COPA: variants seen among roughly 807,000 people sequenced by gnomAD.
COPA encodes coat protein complex I subunit alpha.
A neutral mutation model predicts 158.7 loss-of-function variants in COPA; 10 were observed. That is an observed-to-expected ratio of 0.06 (90% CI 0.04 to 0.11). COPA has a LOEUF of 0.11. Among genes scored for constraint, COPA ranks in the 10% least tolerant of loss-of-function variants. COPA has a pLI of 1.00. For synonymous variants in COPA, 462 were observed against 542.8 expected, an observed-to-expected ratio of 0.85 and a Z score of 2.07; for missense variants, 1,065 against 1,536.7, an observed-to-expected ratio of 0.69 and a Z score of 5.13.
At position 160,332,601 on chromosome 1, in the gene COPA, CA is replaced by C. The variant is rs1466623079; in HGVS notation, c.387-45del. 18 of 1,341,206 alleles carry C rather than the reference CA, an allele frequency of 1.3e-5. No individual in the cohort carries two copies. In the Admixed American group the frequency reaches 2.6e-4, roughly 19 times the overall value. The allele number at this position is 1,341,206 out of a possible 1,614,324, so 83.1% of individuals were successfully genotyped here. ...ACAATACCAAATTAGAGGTGGAAGTCAACAGACTCCTAAACTAAATACCTTT... is the reference window on the plus strand; with the variant it reads ...ACAATACCAAATTAGAGGTGGAAGTCACAGACTCCTAAACTAAATACCTTT... On this transcript the variant is annotated intron_variant, in intron 5 of 32. Coordinates refer to ENST00000241704, the MANE Select transcript of COPA (RefSeq NM_004371.4).
In COPA at chr1:160,317,551, T is replaced by C. The variant is rs112262853; in HGVS notation, c.707-3426A>G. On this transcript the variant is annotated intron_variant, in intron 8 of 32. Transcript: ENST00000241704. ...ACATCTCAAGAAACTCAAAGAATCA[T>C]ACTGTCAAAGACAGGGCGTTCCAAT... 192 of 1,606,520 alleles carry C rather than the reference T, an allele frequency of 1.2e-4. No individual in the cohort carries two copies. In the Middle Eastern group the frequency reaches 3.2e-3, roughly 26 times the overall value.
intron 1 of COPA, among the ~76,000 whole-genome samples, chr1:160,342,318 A>G (rs141822130): frequency 4.6e-5 from 7 of 152,222 alleles, no homozygotes; most frequent in African/African-American, 1.2e-4. Context: ...AATATTCTAG[A>G]TACTATTTTT....
intron 12 of COPA, among the ~76,000 whole-genome samples, chr1:160,309,899 G>A (rs1312340064): frequency 6.6e-6 from 1 of 151,928 alleles, no homozygotes; most frequent in Non-Finnish European, 1.5e-5. Context: ...CTTTCCATAG[G>A]AAATATATAT....
chr1:160,311,990 C>T lies in COPA; in HGVS notation c.954G>A (p.Lys318=). Residue 318 remains lysine (K), a synonymous_variant, in exon 11 of 33, where the codon AAG becomes AAA. Coordinates refer to ENST00000241704, the MANE Select transcript of COPA (RefSeq NM_004371.4). The part of the protein sequence containing the change: ...AGHDGGMIVF[K]LERERPAYAV... ...CATAGGCTGGCCGTTCCCGTTCCAGCTTAAACACAATCATACCACCATCAT... is the reference window on the plus strand; with the variant it reads ...CATAGGCTGGCCGTTCCCGTTCCAGTTTAAACACAATCATACCACCATCAT... 6.2e-7 allele frequency: 1 copy of T among 1,613,858 alleles called. No homozygotes were observed. Among genetic ancestry groups the T allele is most frequent in the Non-Finnish European group, 8.5e-7 (1 of 1,179,898 alleles).
chr1:160,337,458 G>A (rs141296927), intron 3 of COPA, among the ~76,000 whole-genome samples: 5,023 of 152,256 alleles, frequency 0.033, 278 homozygotes, highest in African/African-American at 0.12. Context: ...GGTGGCTCAC[G>A]CCTGTAATCC....
intron 8 of COPA, among the ~76,000 whole-genome samples, chr1:160,319,843 A>G (rs1659272316): frequency 6.6e-6 from 1 of 151,198 alleles, no homozygotes; most frequent in Admixed American, 6.6e-5. Flanking sequence ...ATGGCAATAC[A>G]ATGTAACAAA....
Position 160,333,636 on chromosome 1 carries a change from C to T in COPA, c.353G>A (p.Arg118Gln), listed in dbSNP as rs750910511. The T allele has an allele frequency of 1.9e-6, 3 of 1,613,512 alleles. No individual in the cohort carries two copies. The highest frequency in any genetic ancestry group is 2.5e-6 in the Non-Finnish European group (3 of 1,179,594). Residue 118 changes from arginine to glutamine, a missense_variant, in exon 5 of 33, where the codon CGA (arginine) becomes CAA (glutamine). This residue lies in a region of COPA where 85 missense variants were observed against 178.9 expected (regional missense o/e 0.48). Coordinates refer to ENST00000241704, the MANE Select transcript of COPA (RefSeq NM_004371.4). ...GGTTCTAGATTGCCAGTTCCACACTCGGATGGTCTGATCATCGGAGGCACT... is the reference window on the plus strand; with the variant it reads ...GGTTCTAGATTGCCAGTTCCACACTTGGATGGTCTGATCATCGGAGGCACT... ...ILSASDDQTI[R>Q]VWNWQSRTCV... is the part of the protein sequence containing the mutation.
intron 17 of COPA, among the ~76,000 whole-genome samples, chr1:160,300,743 C>T (rs1216979113): frequency 1.3e-5 from 2 of 152,160 alleles, no homozygotes; most frequent in Non-Finnish European, 2.9e-5. Flanking sequence ...TATTAGCAAC[C>T]TAAAGCTAGC....
rs773512633 is a variant in COPA at position 160,297,334 on chromosome 1, G to C, written c.2263+9C>G. 1 of 1,613,112 alleles carries C rather than the reference G, an allele frequency of 6.2e-7. No individual in the cohort carries two copies. The highest frequency in any genetic ancestry group is 8.5e-7 in the Non-Finnish European group (1 of 1,179,228). On this transcript the variant is annotated intron_variant, in intron 21 of 32. Coordinates refer to ENST00000241704, the MANE Select transcript of COPA (RefSeq NM_004371.4). ...ACCCTGAAAAAGCTGGCAAGTCTCG[G>C]ATACTTACTCTGTCCACAGTTCTTC...
At chr1:160,340,048 T>A in intron 2 of COPA, 66 bp from the exon 3 acceptor site, 1 of 1,576,512 alleles carries the variant, frequency 6.3e-7, no homozygotes, top group Non-Finnish European at 8.7e-7. Flanking sequence ...AGGTGATTCC[T>A]ATTCAGGATT....
intron 7 of COPA, among the ~76,000 whole-genome samples, chr1:160,324,045 T>A (rs956687948): frequency 2.0e-5 from 3 of 151,974 alleles, no homozygotes; most frequent in Admixed American, 6.6e-5. Context: ...GTATTTTTAG[T>A]AGAGATGGGG....
In COPA at chr1:160,305,752, A is replaced by G; in HGVS notation, c.1464T>C (p.Ile488=). The change falls in exon 16 of 33, where the codon ATT becomes ATC. Residue 488 remains isoleucine, a synonymous_variant. Transcript: ENST00000241704. ...QQKRTLASVK[I]SKVKYVIWSA... ...ACCAGATAACGTATTTCACTTTAGA[A>G]ATCTTCACAGATGCCAGAGTCCTGA... 6.2e-7 allele frequency: 1 copy of G among 1,614,118 alleles called. No homozygotes were observed. Among genetic ancestry groups the G allele is most frequent in the Non-Finnish European group, 8.5e-7 (1 of 1,180,012 alleles).
chr1:160,308,202 T>A (rs892006305), intron 13 of COPA, among the ~76,000 whole-genome samples: 1 of 148,584 alleles, frequency 6.7e-6, no homozygotes, highest in Admixed American at 6.7e-5. Flanking sequence ...AAAGAGCTAG[T>A]TGGGAGGTAC....
intron 6 of COPA, among the ~76,000 whole-genome samples, chr1:160,328,740 T>G (rs1436170160): frequency 6.6e-6 from 1 of 152,238 alleles, no homozygotes. Flanking sequence ...GTTAAGAAAG[T>G]AACCTTTTAT....
intron 11 of COPA, among the ~76,000 whole-genome samples, chr1:160,310,714 C>T (rs80026179): frequency 0.029 from 4,454 of 152,142 alleles, 214 homozygotes; most frequent in African/African-American, 0.1. Context: ...CCAAATTTTG[C>T]CACCATGAAT....
chr1:160,308,218 C>T (rs1161447098), intron 13 of COPA, among the ~76,000 whole-genome samples: 1 of 151,728 alleles, frequency 6.6e-6, no homozygotes, highest in Non-Finnish European at 1.5e-5. Flanking sequence ...GGTACCAAAC[C>T]ATAAGATTTA....
intron 25 of COPA, 25 bp from the exon 26 acceptor site, chr1:160,293,488 A>G (rs375367944): frequency 3.3e-5 from 50 of 1,520,614 alleles, no homozygotes; most frequent in Non-Finnish European, 4.2e-5. Context: ...AAAATTGAGT[A>G]TTGAGTAATT....
chr1:160,289,281 C>A lies in COPA; in HGVS notation c.*876G>T, dbSNP rs1050887229. 6.6e-6 allele frequency: 1 copy of A among 152,096 alleles called. No individual in the cohort carries two copies. The allele number at this position is 152,096 out of a possible 1,614,324, so 9.4% of individuals were successfully genotyped here. A position where few individuals can be genotyped will look rare whatever the true frequency, so the allele number is the denominator to read the frequency against. On this transcript the variant is annotated 3_prime_UTR_variant, in exon 33 of 33. Coordinates refer to ENST00000241704, the MANE Select transcript of COPA (RefSeq NM_004371.4). Reference sequence around the variant, plus strand: ...AGAAATAAATGGCCAAGTCAAGAAGCTCTCATAGAGATTTATTTAGTGTGA... The same window carrying A: ...AGAAATAAATGGCCAAGTCAAGAAGATCTCATAGAGATTTATTTAGTGTGA...
chr1:160,340,016 G>C, intron 2 of COPA, 34 bp from the exon 3 acceptor site: 1 of 1,606,576 alleles, frequency 6.2e-7, no homozygotes. Flanking sequence ...ATGTTAGACA[G>C]AGCTATCCTT....
Sources: gnomAD v4.1 joint callset for allele counts (sites outside exome capture counted in the v4.1 genomes callset) on GRCh38, gnomAD v4.1.1 for gene constraint, gnomAD v4.1.1 regional missense constraint, MANE v1.5 for transcripts, NCBI Gene and HGNC (gene_info 2026-07-23, HGNC 2026-07-21) for gene names.